The following ACOT12 variants were observed in gnomAD, a reference collection of about 807,000 sequenced individuals.
ACOT12 encodes the protein acyl-CoA thioesterase 12.
Under a neutral mutation model 67.7 loss-of-function variants are expected in ACOT12, and 51 were observed. That is an observed-to-expected ratio of 0.75 (90% CI 0.60 to 0.95). ACOT12 has a LOEUF of 0.95. ACOT12 is among the 40% of genes least tolerant of loss of function. ACOT12 has a pLI of 0.00. For synonymous variants in ACOT12, 251 were observed against 244.6 expected (o/e 1.03, Z -0.24); for missense variants, 734 against 708.1 (o/e 1.04, Z -0.41).
chr5:81,373,993 A>G (rs920931766), intron 2 of ACOT12, among the ~76,000 whole-genome samples: 1 of 152,122 alleles, frequency 6.6e-6, no homozygotes, highest in Non-Finnish European at 1.5e-5. Context: ...CTGATAAGGG[A>G]CTACACTGCC....
chr5:81,348,235 G>A (rs1489061194), intron 5 of ACOT12, among the ~76,000 whole-genome samples: 1 of 152,200 alleles, frequency 6.6e-6, no homozygotes, highest in Non-Finnish European at 1.5e-5. Context: ...GTTGTTTGTG[G>A]TGGGGTAGGG....
intron 2 of ACOT12, among the ~76,000 whole-genome samples, chr5:81,373,520 CCATT>C (rs1428027480): frequency 1.3e-5 from 2 of 152,136 alleles, no homozygotes; most frequent in Non-Finnish European, 2.9e-5. Context: ...CAAGACAAAA[CCATT>C]CATTCCCCTG....
Position 81,381,616 on chromosome 5 carries a change from T to TA in ACOT12, c.197+4140dup, listed in dbSNP as rs200240092. On this transcript the variant is annotated intron_variant, in intron 2 of 14. Transcript: ENST00000307624. The stretch of plus-strand genomic sequence containing the variant: ...GATACATATAAATATTTCTTTACAT[T>TA]AAAAAAAAGAAGGATACAGCACAAA... Among the ~76,000 whole-genome samples the TA allele has an allele frequency of 4.2e-3, 643 of 151,672 alleles. 4 individuals carry two copies. The highest frequency in any genetic ancestry group is 0.013 in the African/African-American group (532 of 41,356).
chr5:81,321,449 A>G, the ACOT12 span, among the ~76,000 whole-genome samples: 1 of 152,150 alleles, frequency 6.6e-6, no homozygotes, highest in African/African-American at 2.4e-5. Context: ...CAACATATGA[A>G]TTTGGGGAGG....
intron 10 of ACOT12, among the ~76,000 whole-genome samples, chr5:81,343,301 C>T (rs1218146285): frequency 6.6e-6 from 1 of 151,772 alleles, no homozygotes; most frequent in East Asian, 1.9e-4. Flanking sequence ...TTATCTTGAA[C>T]CCTTAATTCA....
In ACOT12 at chr5:81,391,886, C is replaced by G. The variant is rs1760873453; in HGVS notation, c.127+2102G>C. 1.3e-5 allele frequency among the ~76,000 whole-genome samples: 2 copies of G among 152,126 alleles called. 1 individual carries two copies. Among genetic ancestry groups the G allele is most frequent in the South Asian group, 4.2e-4 (2 of 4,810 alleles). On this transcript the variant is annotated intron_variant, in intron 1 of 14. Coordinates refer to ENST00000307624, the MANE Select transcript of ACOT12 (RefSeq NM_130767.3). ...GGAGAGAGAAATATCAAGGATGACT[C>G]CTAGACTTTTGACTTGCTCAACTAG...
intron 2 of ACOT12, among the ~76,000 whole-genome samples, chr5:81,372,671 A>T (rs1428556312): frequency 3.3e-5 from 5 of 151,948 alleles, no homozygotes; most frequent in Non-Finnish European, 7.4e-5. Flanking sequence ...CCTTTCTAAA[A>T]TTTTTCTCTC....
chr5:81,392,375 C>A (rs1760889159), intron 1 of ACOT12, among the ~76,000 whole-genome samples: 1 of 152,170 alleles, frequency 6.6e-6, no homozygotes, highest in Non-Finnish European at 1.5e-5. Context: ...GTTGCCCAAA[C>A]CAACTTTATC....
chr5:81,351,467 C>CA, intron 5 of ACOT12, among the ~76,000 whole-genome samples: 1 of 152,154 alleles, frequency 6.6e-6, no homozygotes, highest in African/African-American at 2.4e-5. Flanking sequence ...ACAGTGAACT[C>CA]ATATTTGACA....
the ACOT12 span, chr5:81,311,216 G>C: frequency 3.2e-5 from 51 of 1,614,012 alleles, no homozygotes; most frequent in South Asian, 5.5e-4. Flanking sequence ...AATAGGTGGC[G>C]GTTGCAAACT....
At chr5:81,380,227 A>T (rs1453098317) in intron 2 of ACOT12, among the ~76,000 whole-genome samples, 1 of 152,166 alleles carries the variant, frequency 6.6e-6, no homozygotes, top group East Asian at 1.9e-4. Flanking sequence ...ATAAAATGAC[A>T]TATGCATTTA....
chr5:81,327,174 T>TATATATATACACACATATATATA (rs1463774108), downstream of ACOT12, among the ~76,000 whole-genome samples: 1,278 of 148,092 alleles, frequency 8.6e-3, 17 homozygotes, highest in African/African-American at 0.03. Flanking sequence ...TATATGTGTA[T>TATATATATACACACATATATATA]ATATATATAC....
At chr5:81,376,465 CA>C (rs1040863293) in intron 2 of ACOT12, among the ~76,000 whole-genome samples, 1 of 149,462 alleles carries the variant, frequency 6.7e-6, no homozygotes, top group Non-Finnish European at 1.5e-5. Flanking sequence ...CAAAAGCAAG[CA>C]GAAGACAATA....
At chr5:81,392,422 A>G (rs1037536549) in intron 1 of ACOT12, among the ~76,000 whole-genome samples, 6 of 152,208 alleles carry the variant, frequency 3.9e-5, no homozygotes, top group Admixed American at 2.0e-4. Flanking sequence ...ATTATCAGTT[A>G]TTAATATTAT....
intron 3 of ACOT12, among the ~76,000 whole-genome samples, chr5:81,369,947 A>G (rs1760195579): frequency 6.6e-6 from 1 of 152,126 alleles, no homozygotes; most frequent in African/African-American, 2.4e-5. Flanking sequence ...TGCTTTCTTC[A>G]AGTGCTTTGT....
At chr5:81,361,793 T>C (rs1284249792) in intron 4 of ACOT12, among the ~76,000 whole-genome samples, 1 of 152,256 alleles carries the variant, frequency 6.6e-6, no homozygotes, top group Non-Finnish European at 1.5e-5. Context: ...TGCAAGTCCC[T>C]TCAATGATCT....
chr5:81,346,844 AC>A (rs1413954330), intron 6 of ACOT12, among the ~76,000 whole-genome samples: 1 of 152,166 alleles, frequency 6.6e-6, no homozygotes, highest in South Asian at 2.1e-4. Flanking sequence ...GGGAAATACA[AC>A]CTTAAAAATT....
downstream of ACOT12, among the ~76,000 whole-genome samples, chr5:81,327,991 G>C (rs1758714158): frequency 6.6e-6 from 1 of 152,178 alleles, no homozygotes. Flanking sequence ...ACATCAAAGA[G>C]AGTAGGGGAA....
At chr5:81,351,655 AGG>A (rs1759556092) in intron 5 of ACOT12, among the ~76,000 whole-genome samples, 1 of 152,246 alleles carries the variant, frequency 6.6e-6, no homozygotes, top group African/African-American at 2.4e-5. Context: ...AAACCATTAT[AGG>A]AAAACATCAG....
Sources: gnomAD v4.1 joint callset for allele counts (sites outside exome capture counted in the v4.1 genomes callset) on GRCh38, gnomAD v4.1.1 for gene constraint, MANE v1.5 for transcripts, NCBI Gene and HGNC (gene_info 2026-07-23, HGNC 2026-07-21) for gene names.